Variants in RANBP17 observed in about 807,000 individuals in gnomAD.
RANBP17 encodes ran-binding protein 17.
Under a neutral mutation model 141.2 loss-of-function variants are expected in RANBP17, and 158 were observed. That is an observed-to-expected ratio of 1.12 (90% CI 0.98 to 1.28). The LOEUF is 1.28. Ranked by LOEUF, RANBP17 falls within the 50% of genes most tolerant of loss-of-function variation. The probability of loss-of-function intolerance (pLI) is 0.00; values close to 1 mark genes in which losing one functional copy is unlikely to be tolerated. For synonymous variants in RANBP17, 430 were observed against 450.0 expected, an observed-to-expected ratio of 0.96 and a Z score of 0.56; for missense variants, 1,438 against 1,290.7, an observed-to-expected ratio of 1.11 and a Z score of -1.75.
intron 14 of RANBP17, among the ~76,000 whole-genome samples, chr5:171,153,702 T>C (rs1758648283): frequency 6.6e-6 from 1 of 152,186 alleles, no homozygotes. Context: ...TGCATATTAG[T>C]GCAAAAAGAG....
chr5:171,241,201 G>A (rs1379457563), intron 23 of RANBP17, 59 bp downstream of exon 23: 3 of 1,262,210 alleles, frequency 2.4e-6, no homozygotes, highest in Non-Finnish European at 3.4e-6. Flanking sequence ...ACCACCACAG[G>A]CCTGGAAGTG....
chr5:171,007,506 G>A (rs185265791), intron 14 of RANBP17, among the ~76,000 whole-genome samples: 25 of 152,198 alleles, frequency 1.6e-4, no homozygotes, highest in African/African-American at 5.8e-4. Flanking sequence ...AGAAAAGGAA[G>A]ATTCACAAGA....
intron 18 of RANBP17, among the ~76,000 whole-genome samples, chr5:171,190,149 T>A (rs183350559): frequency 6.6e-6 from 1 of 152,302 alleles, no homozygotes; most frequent in East Asian, 1.9e-4. Context: ...AAATGTCTTG[T>A]GTATAAGCCA....
chr5:171,020,462 C>T (rs569805104), intron 14 of RANBP17, among the ~76,000 whole-genome samples: 18 of 152,280 alleles, frequency 1.2e-4, no homozygotes, highest in African/African-American at 4.1e-4. Context: ...TGTTTGGATG[C>T]ATATATGTTT....
At chr5:171,116,307 GCCCCTGCCCTC>G (rs1755626767) in intron 14 of RANBP17, among the ~76,000 whole-genome samples, 2 of 152,012 alleles carry the variant, frequency 1.3e-5, no homozygotes, top group South Asian at 4.2e-4. Flanking sequence ...GGGGCAAGTT[GCCCCTGCCCTC>G]CCATCTTCTA....
At chr5:171,205,305 A>G (rs1369224899) in intron 19 of RANBP17, among the ~76,000 whole-genome samples, 1 of 152,192 alleles carries the variant, frequency 6.6e-6, no homozygotes, top group Non-Finnish European at 1.5e-5. Context: ...ACACTACTGG[A>G]ATTATGACTT....
chr5:170,917,007 T>G (rs914653172), intron 9 of RANBP17, among the ~76,000 whole-genome samples: 1 of 152,290 alleles, frequency 6.6e-6, no homozygotes, highest in African/African-American at 2.4e-5. Context: ...TGAGCCACCA[T>G]GCTCAGCCCT....
At chr5:171,005,273 C>G (rs1319488957) in intron 14 of RANBP17, among the ~76,000 whole-genome samples, 1 of 152,126 alleles carries the variant, frequency 6.6e-6, no homozygotes, top group East Asian at 1.9e-4. Flanking sequence ...CAAAAAAGAG[C>G]CTGCATTGCC....
intron 22 of RANBP17, among the ~76,000 whole-genome samples, chr5:171,237,325 AT>A (rs1764605522): frequency 6.6e-6 from 1 of 152,170 alleles, no homozygotes; most frequent in Non-Finnish European, 1.5e-5. Flanking sequence ...TAGATCAGGA[AT>A]TATCTGTGCT....
chr5:170,963,706 T>C (rs1776311034), intron 13 of RANBP17, among the ~76,000 whole-genome samples: 1 of 152,156 alleles, frequency 6.6e-6, no homozygotes, highest in Non-Finnish European at 1.5e-5. Flanking sequence ...GAGGCGGAGC[T>C]CAGGCGATAA....
At chr5:171,250,719 A>G (rs2128003489) in intron 24 of RANBP17, among the ~76,000 whole-genome samples, 2 of 152,346 alleles carry the variant, frequency 1.3e-5, no homozygotes, top group Middle Eastern at 3.4e-3. Context: ...CCGACTTTAT[A>G]TCAAGAAAAG....
chr5:171,280,831 T>C (rs567928813), intron 25 of RANBP17, among the ~76,000 whole-genome samples: 101 of 152,336 alleles, frequency 6.6e-4, no homozygotes, highest in Middle Eastern at 3.4e-3. Context: ...ATGACTGAAA[T>C]TTCATCCTCC....
intron 14 of RANBP17, among the ~76,000 whole-genome samples, chr5:170,999,649 T>G (rs1779066354): frequency 6.6e-6 from 1 of 152,210 alleles, no homozygotes; most frequent in Non-Finnish European, 1.5e-5. Context: ...GAAATATGTG[T>G]CTTGAGATAG....
chr5:171,156,937 A>C (rs561231561), intron 14 of RANBP17, among the ~76,000 whole-genome samples: 1 of 152,304 alleles, frequency 6.6e-6, no homozygotes, highest in South Asian at 2.1e-4. Context: ...AAAGCAATAA[A>C]GTGTGGAATC....
intron 21 of RANBP17, among the ~76,000 whole-genome samples, chr5:171,219,281 C>G (rs1164734892): frequency 1.3e-5 from 2 of 152,126 alleles, no homozygotes; most frequent in African/African-American, 4.8e-5. Context: ...GATGCACTTC[C>G]CTTTGTAGGT....
At chr5:171,023,771 T>C (rs1169352766) in intron 14 of RANBP17, among the ~76,000 whole-genome samples, 2 of 152,212 alleles carry the variant, frequency 1.3e-5, no homozygotes, top group Non-Finnish European at 2.9e-5. Context: ...TGAACTCTTA[T>C]CTCTGTCTTC....
intron 24 of RANBP17, chr5:171,253,103 AGCACACTTT>A: frequency 1.5e-6 from 1 of 654,536 alleles, no homozygotes; most frequent in Admixed American, 2.6e-5. Flanking sequence ...TGGGGGCAGT[AGCACACTTT>A]GCACACGATA....
chr5:171,100,289 G>C (rs189821183), intron 14 of RANBP17, among the ~76,000 whole-genome samples: 10 of 152,266 alleles, frequency 6.6e-5, no homozygotes, highest in Admixed American at 6.5e-4. Context: ...CTTGTTACTG[G>C]TCTATTCAGG....
chr5:170,931,496 G>A (rs956138942), intron 12 of RANBP17, among the ~76,000 whole-genome samples: 1 of 152,178 alleles, frequency 6.6e-6, no homozygotes, highest in Non-Finnish European at 1.5e-5. Context: ...CCTATGTCCT[G>A]AATGGTATTG....
Sources: allele counts gnomAD v4.1 joint callset (sites outside exome capture counted in the v4.1 genomes callset), GRCh38; gene constraint gnomAD v4.1.1; transcripts MANE v1.5; gene names NCBI Gene and HGNC (gene_info 2026-07-23, HGNC 2026-07-21).